LRRC7: variants seen among roughly 807,000 people sequenced by gnomAD.
The protein encoded by LRRC7 is leucine-rich repeat-containing protein 7.
In LRRC7, 23 loss-of-function variants were observed where a neutral mutation model predicts 175.7. The observed-to-expected ratio is 0.13, with a 90% CI of 0.09 to 0.19. The LOEUF is 0.19. Ranked by LOEUF, LRRC7 falls within the 10% of genes least tolerant of loss-of-function variation. The pLI is 1.00. For synonymous variants in LRRC7, 685 were observed against 680.9 expected (o/e 1.01, Z -0.09); for missense variants, 1,354 against 1,904.7 (o/e 0.71, Z 5.38).
chr1:69,639,601 C>G (rs901785491), intron 1 of LRRC7, among the ~76,000 whole-genome samples: 3 of 151,786 alleles, frequency 2.0e-5, no homozygotes, highest in Non-Finnish European at 4.4e-5. Context: ...ATTTCTGGCT[C>G]TCTGGCCCAT....
rs200802749 is a variant in LRRC7, at chr1:70,130,538, A to G, written c.*8651A>G. On this transcript the variant is annotated 3_prime_UTR_variant, in exon 27 of 27. Coordinates refer to ENST00000651989, the MANE Select transcript of LRRC7 (RefSeq NM_001370785.2). ...TCCTCCTCTCTTCAGCATTTTTTCT[A>G]AGACATTTTTGGTCTTTTCTGCTGT... Among the ~76,000 whole-genome samples, 23 of 152,184 alleles carry G rather than the reference A, an allele frequency of 1.5e-4. No homozygotes were observed. Among genetic ancestry groups the G allele is most frequent in the African/African-American group, 5.1e-4 (21 of 41,448 alleles).
intron 20 of LRRC7, among the ~76,000 whole-genome samples, chr1:70,036,862 C>CA: frequency 6.6e-6 from 1 of 151,218 alleles, no homozygotes; most frequent in African/African-American, 2.4e-5. Context: ...GATGGTAGAA[C>CA]AAAAAATTTA....
Position 70,134,727 on chromosome 1 carries a change from G to A in LRRC7, c.*12840G>A, listed in dbSNP as rs759238771. ...AACCTTCTTTGGGGGTTAATATTTT[G>A]TAAGTTCTTTCTGACCTCAAGCCTG... On this transcript the variant is annotated 3_prime_UTR_variant, in exon 27 of 27. Transcript: ENST00000651989. Among the ~76,000 whole-genome samples, 1 of 152,136 alleles carries A rather than the reference G, an allele frequency of 6.6e-6. No homozygotes were observed. Among genetic ancestry groups the A allele is most frequent in the African/African-American group, 2.4e-5 (1 of 41,422 alleles).
chr1:70,021,157 T>C, intron 16 of LRRC7, 28 bp downstream of exon 16: 1 of 1,597,872 alleles, frequency 6.3e-7, no homozygotes, highest in Non-Finnish European at 8.5e-7. Context: ...TGTTTCCTCT[T>C]TCTTCTCCTT....
At chr1:69,980,533 A>G (rs1653313735) in intron 9 of LRRC7, 80 bp downstream of exon 9, 1 of 1,118,028 alleles carries the variant, frequency 8.9e-7, no homozygotes. Context: ...CAACTCTTAA[A>G]TTTCAGTATT....
chr1:69,781,788 AGGAAG>A (rs1165787755), intron 3 of LRRC7, among the ~76,000 whole-genome samples: 1 of 20,576 alleles, frequency 4.9e-5, no homozygotes, highest in African/African-American at 2.1e-4. Flanking sequence ...AAAGAAAGAA[AGGAAG>A]GAAGGAAGGA....
chr1:70,115,879 G>C (rs1420923303), intron 26 of LRRC7, among the ~76,000 whole-genome samples: 1 of 152,174 alleles, frequency 6.6e-6, no homozygotes. Context: ...TCATTTAAGA[G>C]CAAGCTCTTC....
At chr1:69,578,443 T>C (rs1406057796) in intron 1 of LRRC7, among the ~76,000 whole-genome samples, 3 of 146,300 alleles carry the variant, frequency 2.1e-5, no homozygotes, top group African/African-American at 7.7e-5. Context: ...CATTACTGGG[T>C]ATATACCCAA....
At chr1:70,082,800 T>C (rs988984967) in intron 24 of LRRC7, among the ~76,000 whole-genome samples, 1 of 118,846 alleles carries the variant, frequency 8.4e-6, no homozygotes, top group African/African-American at 3.2e-5. Flanking sequence ...TTTTTTTTTT[T>C]TTTTTTTTTT....
chr1:69,784,304 CAA>C (rs1419336430), intron 3 of LRRC7, among the ~76,000 whole-genome samples: 1 of 151,820 alleles, frequency 6.6e-6, no homozygotes, highest in Non-Finnish European at 1.5e-5. Flanking sequence ...GGGTAGAAGA[CAA>C]AGGGATATGA....
chr1:69,650,566 T>A (rs947804071), intron 1 of LRRC7, among the ~76,000 whole-genome samples: 5 of 115,138 alleles, frequency 4.3e-5, no homozygotes, highest in African/African-American at 1.7e-4. Flanking sequence ...GCCAAGCATC[T>A]TTGGCATTTG....
At chr1:69,639,881 C>T (rs1653943500) in intron 1 of LRRC7, among the ~76,000 whole-genome samples, 1 of 151,430 alleles carries the variant, frequency 6.6e-6, no homozygotes, top group African/African-American at 2.4e-5. Flanking sequence ...GTTAATAATC[C>T]ACAACTTTAA....
intron 9 of LRRC7, among the ~76,000 whole-genome samples, chr1:69,981,258 G>T (rs1339691547): frequency 6.6e-6 from 1 of 152,144 alleles, no homozygotes; most frequent in Non-Finnish European, 1.5e-5. Context: ...CAACACAGAG[G>T]TTTAGATGTG....
At chr1:69,956,883 T>A (rs922628293) in intron 8 of LRRC7, among the ~76,000 whole-genome samples, 1 of 151,672 alleles carries the variant, frequency 6.6e-6, no homozygotes, top group Non-Finnish European at 1.5e-5. Flanking sequence ...AAGCCCATGA[T>A]GTATAACACA....
At chr1:69,780,576 A>T (rs1673370216) in intron 3 of LRRC7, among the ~76,000 whole-genome samples, 1 of 152,204 alleles carries the variant, frequency 6.6e-6, no homozygotes, top group Non-Finnish European at 1.5e-5. Context: ...TTGGAAGCTT[A>T]CAATTTCACC....
intron 7 of LRRC7, among the ~76,000 whole-genome samples, chr1:69,857,838 T>C (rs1683867726): frequency 1.3e-5 from 2 of 152,154 alleles, no homozygotes; most frequent in South Asian, 4.1e-4. Flanking sequence ...GCTGGAGGCA[T>C]CACGCTACCT....
chr1:69,899,746 T>C (rs951925717), intron 7 of LRRC7, among the ~76,000 whole-genome samples: 2 of 152,226 alleles, frequency 1.3e-5, no homozygotes, highest in Non-Finnish European at 2.9e-5. Flanking sequence ...CTGTAAGGAC[T>C]GCTCCCTCCT....
intron 26 of LRRC7, among the ~76,000 whole-genome samples, chr1:70,109,609 C>T (rs925862628): frequency 1.4e-4 from 21 of 152,190 alleles, no homozygotes; most frequent in African/African-American, 3.9e-4. Flanking sequence ...CTAACTAGTC[C>T]TTTGATCTTA....
At chr1:69,963,745 G>A (rs1320427409) in intron 8 of LRRC7, among the ~76,000 whole-genome samples, 1 of 152,150 alleles carries the variant, frequency 6.6e-6, no homozygotes, top group Non-Finnish European at 1.5e-5. Flanking sequence ...TGCGGTATAG[G>A]TGGAGGGTAA....
Sources: allele counts gnomAD v4.1 joint callset (sites outside exome capture counted in the v4.1 genomes callset), GRCh38; gene constraint gnomAD v4.1.1; transcripts MANE v1.5; gene names NCBI Gene and HGNC (gene_info 2026-07-23, HGNC 2026-07-21).